CPVL: variants seen among roughly 807,000 people sequenced by gnomAD.
CPVL encodes the protein carboxypeptidase vitellogenic like.
In CPVL, 51 loss-of-function variants were observed where a neutral mutation model predicts 63.7. That is an observed-to-expected ratio of 0.80 (90% CI 0.64 to 1.01). CPVL has a LOEUF of 1.01. Ranked by LOEUF, CPVL falls within the 50% of genes least tolerant of loss-of-function variation. The probability of loss-of-function intolerance (pLI) is 0.00; values close to 1 mark genes in which losing one functional copy is unlikely to be tolerated. For synonymous variants in CPVL, 195 were observed against 206.0 expected, an observed-to-expected ratio of 0.95 and a Z score of 0.46; for missense variants, 530 against 573.1, an observed-to-expected ratio of 0.92 and a Z score of 0.77.
intron 3 of CPVL, among the ~76,000 whole-genome samples, chr7:29,103,853 C>T (rs1161769452): frequency 6.6e-6 from 1 of 152,196 alleles, no homozygotes; most frequent in Non-Finnish European, 1.5e-5. Flanking sequence ...CTTCTATATG[C>T]AGAGGCTGAT....
intron 4 of CPVL, among the ~76,000 whole-genome samples, chr7:29,183,853 C>G (rs770656769): frequency 6.6e-6 from 1 of 152,074 alleles, no homozygotes; most frequent in East Asian, 1.9e-4. Context: ...ATGCATTCAA[C>G]CAACCAAAAA....
At chr7:29,051,036 A>ATT (rs1189952653) in intron 11 of CPVL, among the ~76,000 whole-genome samples, 2 of 152,220 alleles carry the variant, frequency 1.3e-5, no homozygotes, top group Non-Finnish European at 2.9e-5. Context: ...TGCTGGGATA[A>ATT]TTGGCTAGCC....
intron 11 of CPVL, among the ~76,000 whole-genome samples, chr7:29,054,055 G>A (rs1225525856): frequency 6.6e-6 from 1 of 152,072 alleles, no homozygotes; most frequent in Non-Finnish European, 1.5e-5. Context: ...CTAGGTAATA[G>A]AGCAAGATCC....
At position 29,002,286 on chromosome 7, in the gene CPVL, C is replaced by T. The variant is rs542359943; in HGVS notation, c.1321-6404G>A. Among the ~76,000 whole-genome samples the T allele has an allele frequency of 6.6e-5, 10 of 152,234 alleles. No homozygotes were observed. In the South Asian group the frequency reaches 8.3e-4, roughly 13 times the overall value. ...AGCACTGCAGGCTTTCCATCAGATCCGTGAAAGACAATGCCTTGGAAGTAA... is the reference window on the plus strand; with the variant it reads ...AGCACTGCAGGCTTTCCATCAGATCTGTGAAAGACAATGCCTTGGAAGTAA... On this transcript the variant is annotated intron_variant, in intron 12 of 12. Transcript: ENST00000265394.
At chr7:29,006,625 A>G (rs971166382) in intron 12 of CPVL, among the ~76,000 whole-genome samples, 1 of 152,208 alleles carries the variant, frequency 6.6e-6, no homozygotes, top group African/African-American at 2.4e-5. Flanking sequence ...TCCAGACCAG[A>G]CAGGGTATCT....
intron 1 of CPVL, chr7:29,145,773 G>T (rs555671438): frequency 2.3e-4 from 35 of 152,048 alleles, no homozygotes; most frequent in Non-Finnish European, 4.7e-4. Context: ...TTTGCCCGAG[G>T]TCACTCACTA....
At chr7:29,091,634 T>A (rs1785806288) in intron 6 of CPVL, among the ~76,000 whole-genome samples, 1 of 152,014 alleles carries the variant, frequency 6.6e-6, no homozygotes, top group South Asian at 2.1e-4. Flanking sequence ...GGCATCCCCC[T>A]AGAAACTGAA....
In CPVL at chr7:29,112,625, A is replaced by T. The variant is rs1232026400; in HGVS notation, c.288+79T>A. Reference sequence around the variant, plus strand: ...ATGAGATTTTTTTTTAAAGACCTGTAGCTCGGTAGGCTAACATTTCTACCC... The same window carrying T: ...ATGAGATTTTTTTTTAAAGACCTGTTGCTCGGTAGGCTAACATTTCTACCC... On this transcript the variant is annotated intron_variant, in intron 3 of 12. Coordinates refer to ENST00000265394, the MANE Select transcript of CPVL (RefSeq NM_031311.5). 5.6e-6 allele frequency: 5 copies of T among 886,142 alleles called. No homozygotes were observed. In the African/African-American group the frequency reaches 6.7e-5, roughly 12 times the overall value. 54.9% of individuals were successfully genotyped at this position (886,142 alleles called of 1,614,324 possible). A position where few individuals can be genotyped will look rare whatever the true frequency, so the allele number is the denominator to read the frequency against.
chr7:29,041,811 CAAAGA>C lies in CPVL; in HGVS notation c.1138-11057_1138-11053del, dbSNP rs199999683. Among the ~76,000 whole-genome samples the C allele has an allele frequency of 8.9e-3, 1,353 of 151,904 alleles. 22 individuals carry two copies. Among genetic ancestry groups the C allele is most frequent in the African/African-American group, 0.03 (1,244 of 41,406 alleles). ...CACACAGGATTCTGAAGACTCAGTACAAAGAAAAGAATGTAAAATATTTCAATAAT... is the reference window on the plus strand; with the variant it reads ...CACACAGGATTCTGAAGACTCAGTACAAAGAATGTAAAATATTTCAATAAT... On this transcript the variant is annotated intron_variant, in intron 11 of 12. Transcript: ENST00000265394.
chr7:29,071,709 A>AGGCCC, intron 9 of CPVL, 64 bp downstream of exon 9: 1 of 472,932 alleles, frequency 2.1e-6, no homozygotes, highest in Non-Finnish European at 4.2e-6. Flanking sequence ...GTTCCTGCTC[A>AGGCCC]CCCGCCCTCC....
chr7:29,119,980 A>G (rs905747033), intron 2 of CPVL, among the ~76,000 whole-genome samples: 3 of 152,332 alleles, frequency 2.0e-5, no homozygotes, highest in African/African-American at 7.2e-5. Flanking sequence ...AGTTTTAAGG[A>G]TAGTATTAGC....
At chr7:29,187,296 A>G (rs1156343695) in intron 1 of CPVL, among the ~76,000 whole-genome samples, 2 of 152,040 alleles carry the variant, frequency 1.3e-5, no homozygotes, top group Non-Finnish European at 2.9e-5. Flanking sequence ...GGGTGGGGAA[A>G]TGTCCAGATG....
intron 5 of CPVL, among the ~76,000 whole-genome samples, chr7:29,166,442 A>C (rs576742079): frequency 6.6e-6 from 1 of 151,954 alleles, no homozygotes; most frequent in Non-Finnish European, 1.5e-5. Flanking sequence ...TCTTGGCTTG[A>C]TGTGTTTTCT....
intron 5 of CPVL, among the ~76,000 whole-genome samples, chr7:29,179,183 T>G (rs1218731805): frequency 6.6e-6 from 1 of 152,232 alleles, no homozygotes; most frequent in Non-Finnish European, 1.5e-5. Flanking sequence ...CTTATTTGTG[T>G]TAGGCCATGC....
intron 11 of CPVL, among the ~76,000 whole-genome samples, chr7:29,049,273 G>C (rs551873382): frequency 1.3e-5 from 2 of 151,984 alleles, no homozygotes; most frequent in African/African-American, 4.8e-5. Flanking sequence ...TAGACCATTA[G>C]CAAGATTAAC....
At chr7:29,035,531 T>A (rs1290510796) in intron 11 of CPVL, among the ~76,000 whole-genome samples, 1 of 152,166 alleles carries the variant, frequency 6.6e-6, no homozygotes, top group Non-Finnish European at 1.5e-5. Context: ...TCACTTTGGC[T>A]CTATGGACAG....
intron 11 of CPVL, among the ~76,000 whole-genome samples, chr7:29,032,410 G>C (rs1056394760): frequency 2.0e-5 from 3 of 152,040 alleles, no homozygotes; most frequent in African/African-American, 7.2e-5. Flanking sequence ...AATCCTGATA[G>C]ATTTAAAGCC....
intron 5 of CPVL, among the ~76,000 whole-genome samples, chr7:29,176,031 A>G (rs908362772): frequency 1.3e-4 from 20 of 151,930 alleles, no homozygotes; most frequent in African/African-American, 3.9e-4. Flanking sequence ...CTAAAAATAC[A>G]AAAAATTAGC....
intron 5 of CPVL, among the ~76,000 whole-genome samples, chr7:29,177,235 T>C (rs1173560121): frequency 1.0e-5 from 1 of 98,222 alleles, no homozygotes; most frequent in African/African-American, 4.8e-5. Context: ...TTTTTTTGTT[T>C]TATTTTGTTT....
Sources: gnomAD v4.1 joint callset for allele counts (sites outside exome capture counted in the v4.1 genomes callset) on GRCh38, gnomAD v4.1.1 for gene constraint, MANE v1.5 for transcripts, NCBI Gene and HGNC (gene_info 2026-07-23, HGNC 2026-07-21) for gene names.